The following ZNF518A variants were observed in gnomAD, a reference collection of about 807,000 sequenced individuals.
ZNF518A encodes the protein zinc finger protein 518A.
A neutral mutation model predicts 102.7 loss-of-function variants in ZNF518A; 47 were observed. The ratio of observed to expected loss-of-function variants is 0.46; its 90% CI spans 0.36 to 0.58. The LOEUF (loss-of-function observed/expected upper bound fraction) is 0.58. Among genes scored for constraint, ZNF518A ranks in the 20% least tolerant of loss-of-function variants. The probability of loss-of-function intolerance (pLI) is 0.00; values close to 1 mark genes in which losing one functional copy is unlikely to be tolerated. For synonymous variants in ZNF518A, 652 were observed against 594.6 expected (o/e 1.10, Z -1.40); for missense variants, 1,793 against 1,699.8 (o/e 1.05, Z -0.96).
chr10:96,199,146 T>C (rs2083558378), intron 1 of ZNF518A, among the ~76,000 whole-genome samples: 1 of 152,194 alleles, frequency 6.6e-6, no homozygotes, highest in South Asian at 2.1e-4. Flanking sequence ...ATATATTTAC[T>C]TGTAGAGCTA....
At chr10:96,164,832 A>G (rs1325467808), downstream of ZNF518A, among the ~76,000 whole-genome samples, 1 of 152,232 alleles carries the variant, frequency 6.6e-6, no homozygotes, top group Non-Finnish European at 1.5e-5. Context: ...GAATTTTTCC[A>G]TATACTTCAA....
In ZNF518A at chr10:96,133,156, ACTAT is replaced by A. The variant is rs781809212; in HGVS notation, c.-367-425_-367-422del. 2.0e-5 allele frequency among the ~76,000 whole-genome samples: 3 copies of A among 152,294 alleles called. No homozygotes were observed. The South Asian group carries it at 6.2e-4, about 32-fold the overall frequency. On this transcript the variant is annotated intron_variant, in intron 2 of 5. Transcript: ENST00000316045. The stretch of plus-strand genomic sequence containing the variant: ...TATTAGAAATCCAAATATAACTTTA[ACTAT>A]CATCCTTCTGAATAGAAAAGTGGCA...
rs782428019 is a variant in ZNF518A, at chr10:96,158,629, T to A, written c.2307T>A (p.Ser769=). ...TGCCTAGAATCACATCTGTTTTCTC[T>A]CTCCAGAGCCAACAGGCATCAGAAT... ...PMMPRITSVF[S]LQSQQASEFL... Residue 769 remains serine (S), a synonymous_variant, in exon 6 of 6, where the codon TCT becomes TCA. Coordinates refer to ENST00000316045, the MANE Select transcript of ZNF518A (RefSeq NM_001330736.2). 6 of 1,613,368 alleles carry A rather than the reference T, an allele frequency of 3.7e-6. No homozygotes were observed. In the South Asian group the frequency reaches 6.6e-5, roughly 18 times the overall value.
chr10:96,174,559 T>A (rs1255381583), intron 1 of ZNF518A, among the ~76,000 whole-genome samples: 2 of 152,110 alleles, frequency 1.3e-5, no homozygotes, highest in African/African-American at 2.4e-5. Context: ...ATGACCTAGA[T>A]GAAATTGACA....
At chr10:96,185,753 G>A (rs587625221) in intron 1 of ZNF518A, among the ~76,000 whole-genome samples, 2 of 152,274 alleles carry the variant, frequency 1.3e-5, no homozygotes, top group Non-Finnish European at 2.9e-5. Context: ...TCCCAGTTAG[G>A]CTACACAGGG....
intron 1 of ZNF518A, among the ~76,000 whole-genome samples, chr10:96,186,951 G>A (rs1051881024): frequency 3.9e-5 from 6 of 152,156 alleles, no homozygotes; most frequent in African/African-American, 1.4e-4. Context: ...CTTAGTCTTG[G>A]ATGTTTGGCT....
rs1476874261 is a variant in ZNF518A, at chr10:96,134,473, A to G, written c.-302+825A>G. 2.0e-5 allele frequency among the ~76,000 whole-genome samples: 3 copies of G among 152,138 alleles called. No individual in the cohort carries two copies. The East Asian group carries it at 5.8e-4, about 29-fold the overall frequency. ...GGTCTAGAACTCCTGACCTTGAGTG[A>G]TCTGTCTGCTTTGGCCTCCCAAAGT... On this transcript the variant is annotated intron_variant, in intron 3 of 5. Transcript: ENST00000316045.
chr10:96,202,376 C>T (rs1261508073), intron 1 of ZNF518A, among the ~76,000 whole-genome samples: 1 of 152,136 alleles, frequency 6.6e-6, no homozygotes, highest in Non-Finnish European at 1.5e-5. Context: ...GGACAGATCA[C>T]AGCAGTGGAA....
intron 3 of ZNF518A, among the ~76,000 whole-genome samples, chr10:96,150,657 G>A (rs1387770364): frequency 7.2e-6 from 1 of 138,572 alleles, no homozygotes; most frequent in Non-Finnish European, 1.6e-5. Context: ...TTTTCAATAT[G>A]CTAGATCTTA....
At chr10:96,193,487 G>C (rs879949414) in intron 1 of ZNF518A, among the ~76,000 whole-genome samples, 5 of 152,218 alleles carry the variant, frequency 3.3e-5, no homozygotes, top group Non-Finnish European at 1.5e-5. Context: ...GGTGTTCGGG[G>C]ATTGAAGTGT....
intron 1 of ZNF518A, among the ~76,000 whole-genome samples, chr10:96,174,590 A>G (rs2083192276): frequency 6.6e-6 from 1 of 152,320 alleles, no homozygotes; most frequent in African/African-American, 2.4e-5. Context: ...AAGATACAAA[A>G]ACTATTTTAA....
chr10:96,142,347 TG>T (rs1554876870), intron 3 of ZNF518A, among the ~76,000 whole-genome samples: 30 of 150,326 alleles, frequency 2.0e-4, no homozygotes, highest in African/African-American at 4.0e-4. Context: ...TGTGTGTGTG[TG>T]TGTGTGTTTC....
intron 3 of ZNF518A, among the ~76,000 whole-genome samples, chr10:96,154,045 C>G (rs1564763882): frequency 6.6e-6 from 1 of 152,158 alleles, no homozygotes; most frequent in Non-Finnish European, 1.5e-5. Context: ...CATTTCCCCA[C>G]TCTTGCCCTA....
chr10:96,170,592 T>C (rs1255734913), intron 1 of ZNF518A, among the ~76,000 whole-genome samples: 1 of 152,232 alleles, frequency 6.6e-6, no homozygotes, highest in Non-Finnish European at 1.5e-5. Flanking sequence ...CTTCCTGGGA[T>C]GCTAAAAGCT....
intron 1 of ZNF518A, among the ~76,000 whole-genome samples, chr10:96,191,184 C>T (rs113872278): frequency 0.023 from 3,547 of 151,168 alleles, 133 homozygotes; most frequent in African/African-American, 0.08. Context: ...TGCCTTCTGC[C>T]ATGATTGTGA....
intron 1 of ZNF518A, among the ~76,000 whole-genome samples, chr10:96,184,489 C>T (rs1554892339): frequency 6.6e-6 from 1 of 152,174 alleles, no homozygotes; most frequent in African/African-American, 2.4e-5. Flanking sequence ...TCTTGTAAGG[C>T]AGGGCTGGTG....
Position 96,159,415 on chromosome 10 carries a change from T to C in ZNF518A, c.3093T>C (p.Ile1031=). 1 of 1,613,820 alleles carries C rather than the reference T, an allele frequency of 6.2e-7. No homozygotes were observed. The highest frequency in any genetic ancestry group is 8.5e-7 in the Non-Finnish European group (1 of 1,179,796). ...TTACACCTGGACTTTGTTCCAGCATTGGCAGTTGTTTGAGCATGAAAAGTA... is the reference window on the plus strand; with the variant it reads ...TTACACCTGGACTTTGTTCCAGCATCGGCAGTTGTTTGAGCATGAAAAGTA... ...NCLTPGLCSS[I]GSCLSMKSSS... is the part of the protein sequence containing the mutation. The change falls in exon 6 of 6, where the codon ATT becomes ATC. Residue 1031 remains isoleucine, a synonymous_variant. Coordinates refer to ENST00000316045, the MANE Select transcript of ZNF518A (RefSeq NM_001330736.2).
At chr10:96,174,755 T>TAGAC (rs1349138261) in intron 1 of ZNF518A, among the ~76,000 whole-genome samples, 2 of 151,894 alleles carry the variant, frequency 1.3e-5, no homozygotes, top group African/African-American at 2.4e-5. Context: ...GATAGATAGA[T>TAGAC]AGATAGATAG....
intron 1 of ZNF518A, among the ~76,000 whole-genome samples, chr10:96,197,740 A>G (rs1490941476): frequency 6.6e-6 from 1 of 152,072 alleles, no homozygotes; most frequent in Non-Finnish European, 1.5e-5. Flanking sequence ...TTCTCTCCTC[A>G]AAGAACTTTT....
Sources: gnomAD v4.1 joint callset for allele counts (sites outside exome capture counted in the v4.1 genomes callset) on GRCh38, gnomAD v4.1.1 for gene constraint, MANE v1.5 for transcripts, NCBI Gene and HGNC (gene_info 2026-07-23, HGNC 2026-07-21) for gene names.